SRGAP3: variants seen among roughly 807,000 people sequenced by gnomAD.
The protein encoded by SRGAP3 is SLIT-ROBO Rho GTPase activating protein 3, also known as SLIT-ROBO Rho GTPase-activating protein 3.
SRGAP3 carries 39 observed loss-of-function variants against 121.1 expected under a neutral mutation model. The ratio of observed to expected loss-of-function variants is 0.32; its 90% CI spans 0.25 to 0.42. SRGAP3 has a LOEUF of 0.42. Ranked by LOEUF, SRGAP3 falls within the 10% of genes least tolerant of loss-of-function variation. The pLI is 1.00. For missense variants in SRGAP3, 1,213 were observed against 1,470.6 expected (o/e 0.82, Z 2.86); for synonymous variants, 601 against 570.0 (o/e 1.05, Z -0.77).
chr3:9,054,653 T>C (rs1405967401), intron 8 of SRGAP3, among the ~76,000 whole-genome samples: 2 of 152,244 alleles, frequency 1.3e-5, no homozygotes, highest in Non-Finnish European at 1.5e-5. Context: ...CACTCATATT[T>C]GGCTCAGAAT....
intron 1 of SRGAP3, among the ~76,000 whole-genome samples, chr3:9,214,308 T>C (rs184058989): frequency 4.0e-4 from 61 of 152,298 alleles, no homozygotes; most frequent in Non-Finnish European, 5.7e-4. Flanking sequence ...TATTTAACAA[T>C]AGAAACAGTC....
At chr3:9,320,533 T>TC (rs1428635190) in intron 3 of SRGAP3, among the ~76,000 whole-genome samples, 1 of 151,810 alleles carries the variant, frequency 6.6e-6, no homozygotes, top group African/African-American at 2.4e-5. Context: ...GACGACTCGC[T>TC]CCCCCTTTGC....
intron 1 of SRGAP3, among the ~76,000 whole-genome samples, chr3:9,240,223 G>C (rs566437559): frequency 1.3e-5 from 2 of 152,110 alleles, no homozygotes; most frequent in African/African-American, 4.8e-5. Flanking sequence ...CAAACTGAGG[G>C]AATAGAGTTA....
chr3:9,035,314 T>A (rs1412599773), intron 11 of SRGAP3: 1 of 161,176 alleles, frequency 6.2e-6, no homozygotes, highest in Admixed American at 6.5e-5. Context: ...TCTTAAATTC[T>A]ACAAAGTGGA....
chr3:9,357,812 T>G (rs2030599526), intron 1 of SRGAP3, among the ~76,000 whole-genome samples: 1 of 152,180 alleles, frequency 6.6e-6, no homozygotes, highest in Non-Finnish European at 1.5e-5. Context: ...GTTACCCATA[T>G]GACCAAAGTT....
intron 1 of SRGAP3, among the ~76,000 whole-genome samples, chr3:9,248,373 C>T (rs1481571762): frequency 6.6e-6 from 1 of 152,156 alleles, no homozygotes; most frequent in Non-Finnish European, 1.5e-5. Flanking sequence ...AAAGAAGTGC[C>T]GCCCAGGGAT....
Position 9,109,324 on chromosome 3 carries a change from CAG to C in SRGAP3, c.261-4484_261-4483del, listed in dbSNP as rs1463060058. 6.6e-6 allele frequency among the ~76,000 whole-genome samples: 1 copy of C among 152,028 alleles called. No individual in the cohort carries two copies. Among genetic ancestry groups the C allele is most frequent in the Non-Finnish European group, 1.5e-5 (1 of 68,014 alleles). ...GGGACCATTAACTAGGTCATCTAGC[CAG>C]AGAGATGAGATGAGAGGAAGGGCAG... On this transcript the variant is annotated intron_variant, in intron 2 of 21. Transcript: ENST00000383836. This position sits in a 1 kb window ranked among gnomAD's most constrained non-coding sequence, Gnocchi z 4.4.
chr3:9,263,089 A>T (rs532649203), intron 3 of SRGAP3, among the ~76,000 whole-genome samples: 1 of 152,338 alleles, frequency 6.6e-6, no homozygotes, highest in African/African-American at 2.4e-5. Flanking sequence ...AACTACATGG[A>T]AACTGAACAA....
chr3:9,235,372 T>C (rs1212917334), intron 1 of SRGAP3: 1 of 152,146 alleles, frequency 6.6e-6, no homozygotes, highest in Non-Finnish European at 1.5e-5. Flanking sequence ...ATGTTTATAG[T>C]GGTTATTTCA....
At chr3:9,142,012 T>C (rs928389052) in intron 1 of SRGAP3, among the ~76,000 whole-genome samples, 6 of 152,228 alleles carry the variant, frequency 3.9e-5, no homozygotes, top group African/African-American at 1.2e-4. Context: ...AATGTTGGAA[T>C]ATGCACATAC....
intron 1 of SRGAP3, among the ~76,000 whole-genome samples, chr3:9,148,546 A>G (rs1400131793): frequency 6.6e-6 from 1 of 152,200 alleles, no homozygotes; most frequent in Non-Finnish European, 1.5e-5. Context: ...GGGTACCCCC[A>G]TTTCCAATAA....
At chr3:9,242,743 GGTATGA>G (rs762558354) in intron 1 of SRGAP3, among the ~76,000 whole-genome samples, 7 of 152,140 alleles carry the variant, frequency 4.6e-5, no homozygotes, top group Non-Finnish European at 8.8e-5. Context: ...GGAGTACAGT[GGTATGA>G]TCATGGCTGA....
chr3:9,265,923 G>A (rs958139221), intron 3 of SRGAP3, among the ~76,000 whole-genome samples: 5 of 152,120 alleles, frequency 3.3e-5, no homozygotes, highest in East Asian at 3.8e-4. Context: ...ACATGCACAC[G>A]TATATTTATT....
chr3:9,263,908 A>T (rs1456710534), intron 3 of SRGAP3, among the ~76,000 whole-genome samples: 2 of 152,190 alleles, frequency 1.3e-5, no homozygotes, highest in Non-Finnish European at 2.9e-5. Context: ...CCTGGCAGAG[A>T]CACAACAAAA....
chr3:8,992,013 C>T (rs1942086153), intron 20 of SRGAP3, among the ~76,000 whole-genome samples: 1 of 152,238 alleles, frequency 6.6e-6, no homozygotes, highest in Non-Finnish European at 1.5e-5. Context: ...CAGCCTTCCA[C>T]TTCCCTGACC....
At chr3:9,215,323 C>T (rs77150479) in intron 1 of SRGAP3, among the ~76,000 whole-genome samples, 3,674 of 152,154 alleles carry the variant, frequency 0.024, 136 homozygotes, top group African/African-American at 0.084. Flanking sequence ...TTGAAAAAGA[C>T]CACCTTTTCC....
At chr3:9,340,838 C>A (rs1397899787) in intron 1 of SRGAP3, among the ~76,000 whole-genome samples, 2 of 152,150 alleles carry the variant, frequency 1.3e-5, no homozygotes, top group Non-Finnish European at 2.9e-5. Flanking sequence ...TTAGAAGAGA[C>A]AATGGGGCCA....
intron 1 of SRGAP3, among the ~76,000 whole-genome samples, chr3:9,203,248 C>A (rs902863983): frequency 6.6e-6 from 1 of 152,152 alleles, no homozygotes; most frequent in Non-Finnish European, 1.5e-5. Context: ...AAAACAATCA[C>A]CCCCTCTCCC....
intron 4 of SRGAP3, among the ~76,000 whole-genome samples, chr3:9,070,022 G>A (rs1946627526): frequency 6.6e-6 from 1 of 152,216 alleles, no homozygotes; most frequent in African/African-American, 2.4e-5. Flanking sequence ...AGGCAGAGCT[G>A]GGACTGCAGG....
Sources: gnomAD v4.1 joint callset for allele counts (sites outside exome capture counted in the v4.1 genomes callset) on GRCh38, gnomAD v4.1.1 for gene constraint, Gnocchi (gnomAD v3.1) non-coding constraint, MANE v1.5 for transcripts, NCBI Gene and HGNC (gene_info 2026-07-23, HGNC 2026-07-21) for gene names.